EML6: variants seen among roughly 807,000 people sequenced by gnomAD.
EML6 encodes EMAP like 6, also known as echinoderm microtubule-associated protein-like 6.
In EML6, 154 loss-of-function variants were observed where a neutral mutation model predicts 240.1. The observed-to-expected ratio is 0.64, with a 90% CI of 0.56 to 0.73. The LOEUF is 0.73. EML6 is among the 30% of genes least tolerant of loss of function. EML6 has a pLI of 0.00. For synonymous variants in EML6, 1,148 were observed against 899.0 expected (o/e 1.28, Z -4.95); for missense variants, 2,964 against 2,474.6 (o/e 1.20, Z -4.20).
chr2:54,847,882 G>A (rs886370202), intron 9 of EML6, among the ~76,000 whole-genome samples: 6 of 152,112 alleles, frequency 3.9e-5, no homozygotes, highest in African/African-American at 1.4e-4. Flanking sequence ...TCTCTTAGTA[G>A]AAATAATCAT....
intron 24 of EML6, among the ~76,000 whole-genome samples, chr2:54,905,368 AC>A (rs1673272394): frequency 1.4e-5 from 2 of 142,654 alleles, no homozygotes; most frequent in Non-Finnish European, 3.0e-5. Context: ...ACACACACAC[AC>A]ACACACACAA....
intron 28 of EML6, among the ~76,000 whole-genome samples, chr2:54,947,800 G>GC (rs1675763776): frequency 2.0e-5 from 3 of 152,178 alleles, no homozygotes; most frequent in Admixed American, 2.0e-4. Flanking sequence ...GCCCAGAGAC[G>GC]CCAGGGTATG....
chr2:54,773,290 C>T (rs1668472019), intron 2 of EML6, among the ~76,000 whole-genome samples: 1 of 152,262 alleles, frequency 6.6e-6, no homozygotes, highest in South Asian at 2.1e-4. Context: ...AGCAGTGAGG[C>T]TGAGCATGTA....
At chr2:54,816,734 T>A (rs576071812) in intron 3 of EML6, 53 bp from the exon 4 acceptor site, 2 of 1,282,768 alleles carry the variant, frequency 1.6e-6, no homozygotes, top group East Asian at 5.0e-5. Flanking sequence ...TCTTAACGTG[T>A]CAGTAAGTCT....
chr2:54,877,684 T>C (rs938198589), intron 16 of EML6, among the ~76,000 whole-genome samples: 1 of 152,232 alleles, frequency 6.6e-6, no homozygotes, highest in Non-Finnish European at 1.5e-5. Flanking sequence ...GGGGATATCA[T>C]TAGTTGTTTT....
At chr2:54,829,536 G>A (rs1481544035) in intron 7 of EML6, 59 bp downstream of exon 7, 1 of 1,377,756 alleles carries the variant, frequency 7.3e-7, no homozygotes, top group Non-Finnish European at 1.0e-6. Context: ...GTGAAGTTCT[G>A]TATTCATATT....
chr2:54,864,356 A>G (rs1172447760), intron 13 of EML6, among the ~76,000 whole-genome samples: 1 of 152,212 alleles, frequency 6.6e-6, no homozygotes, highest in Non-Finnish European at 1.5e-5. Context: ...GTAATTATCT[A>G]CTTAAAGTAA....
intron 7 of EML6, among the ~76,000 whole-genome samples, chr2:54,829,964 A>C (rs1306386647): frequency 6.6e-6 from 1 of 152,200 alleles, no homozygotes. Flanking sequence ...GGCAGTCTCA[A>C]ATTTCGGGGC....
chr2:54,927,403 A>C (rs1340355724), intron 26 of EML6, among the ~76,000 whole-genome samples: 3 of 152,204 alleles, frequency 2.0e-5, no homozygotes, highest in Non-Finnish European at 4.4e-5. Flanking sequence ...TAAAATTTTC[A>C]TCTGGGATAC....
At position 54,953,971 on chromosome 2, in the gene EML6, C is replaced by T; in HGVS notation, c.4313-12C>T. On this transcript the variant is annotated splice_polypyrimidine_tract_variant and intron_variant, in intron 31 of 41. Coordinates refer to ENST00000356458, the MANE Select transcript of EML6 (RefSeq NM_001039753.4). ...TCAGCCTTACTTCTTTGTCATGCCTCTCCACACTCAGGGACAACACCTTCC... is the reference window on the plus strand; with the variant it reads ...TCAGCCTTACTTCTTTGTCATGCCTTTCCACACTCAGGGACAACACCTTCC... 7 of 1,545,836 alleles carry T rather than the reference C, an allele frequency of 4.5e-6. No homozygotes were observed. The South Asian group carries it at 6.0e-5, about 13-fold the overall frequency.
chr2:54,818,022 C>CATAT lies in EML6; in HGVS notation c.456+1143_456+1146dup, dbSNP rs10685967. 4.3e-4 allele frequency among the ~76,000 whole-genome samples: 65 copies of CATAT among 151,580 alleles called. No homozygotes were observed. In the South Asian group the frequency reaches 0.013, roughly 30 times the overall value. ...AGAATCCTCTGGGGAGACTTCACGG[C>CATAT]ATATATATACACTCATACATAATAT... On this transcript the variant is annotated intron_variant, in intron 4 of 41. Coordinates refer to ENST00000356458, the MANE Select transcript of EML6 (RefSeq NM_001039753.4).
At chr2:54,959,518 T>G (rs1676397213) in intron 34 of EML6, among the ~76,000 whole-genome samples, 1 of 152,064 alleles carries the variant, frequency 6.6e-6, no homozygotes, top group Non-Finnish European at 1.5e-5. Flanking sequence ...TCTCAGCACT[T>G]TGGGAGGCCA....
intron 7 of EML6, among the ~76,000 whole-genome samples, chr2:54,834,106 T>C (rs1669011570): frequency 6.6e-6 from 1 of 152,188 alleles, no homozygotes; most frequent in Admixed American, 6.5e-5. Context: ...TATAAAATTC[T>C]GGAATTTTCA....
rs1670104129 is a variant in EML6, at chr2:54,800,941, T to A, written c.198-12291T>A. ...TGGCAGACTCCAATTTCATTAGGGG[T>A]CAAGGAGCTAGAATAAAGTTACCCT... is the stretch of plus-strand genomic sequence containing the variant. On this transcript the variant is annotated intron_variant, in intron 2 of 41. Coordinates refer to ENST00000356458, the MANE Select transcript of EML6 (RefSeq NM_001039753.4). 2.6e-5 allele frequency among the ~76,000 whole-genome samples: 4 copies of A among 151,874 alleles called. No individual in the cohort carries two copies. In the South Asian group the frequency reaches 8.3e-4, roughly 32 times the overall value.
intron 2 of EML6, among the ~76,000 whole-genome samples, chr2:54,805,626 G>A (rs1298791948): frequency 6.6e-6 from 1 of 151,932 alleles, no homozygotes; most frequent in African/African-American, 2.4e-5. Flanking sequence ...CCTAGTCTGT[G>A]TTTTGCATTT....
At chr2:54,944,214 A>G (rs1370994003) in intron 28 of EML6, among the ~76,000 whole-genome samples, 2 of 152,140 alleles carry the variant, frequency 1.3e-5, no homozygotes, top group African/African-American at 4.8e-5. Flanking sequence ...CCAACTAACA[A>G]AGCTATCTCA....
At chr2:54,941,687 G>A (rs1323705811) in intron 28 of EML6, among the ~76,000 whole-genome samples, 1 of 152,232 alleles carries the variant, frequency 6.6e-6, no homozygotes, top group Non-Finnish European at 1.5e-5. Context: ...CCTGAGAGTT[G>A]GTACAGAGAT....
intron 5 of EML6, among the ~76,000 whole-genome samples, chr2:54,823,302 G>T (rs191292772): frequency 3.3e-5 from 5 of 152,238 alleles, no homozygotes; most frequent in African/African-American, 1.2e-4. Flanking sequence ...GGAAGGGTCG[G>T]GAGGCAGAAC....
chr2:54,731,990 A>G (rs1426356214), intron 2 of EML6, among the ~76,000 whole-genome samples: 4 of 152,058 alleles, frequency 2.6e-5, no homozygotes, highest in South Asian at 2.1e-4. Context: ...TTTTTTTACT[A>G]TTGCCAGGCT....
Sources: allele counts gnomAD v4.1 joint callset (sites outside exome capture counted in the v4.1 genomes callset), GRCh38; gene constraint gnomAD v4.1.1; transcripts MANE v1.5; gene names NCBI Gene and HGNC (gene_info 2026-07-23, HGNC 2026-07-21).